Variants in INTS2 observed in about 807,000 individuals in gnomAD.
INTS2 encodes KIAA1287.
A neutral mutation model predicts 139.6 loss-of-function variants in INTS2; 57 were observed. The ratio of observed to expected loss-of-function variants is 0.41; its 90% CI spans 0.33 to 0.51. INTS2 has a LOEUF of 0.51. Among genes scored for constraint, INTS2 ranks in the 20% least tolerant of loss-of-function variants. INTS2 has a pLI of 0.28. For missense variants in INTS2, 1,196 were observed against 1,436.7 expected (o/e 0.83, Z 2.71); for synonymous variants, 473 against 493.4 (o/e 0.96, Z 0.55).
rs2079105349 is a variant in INTS2, at chr17:61,873,554, T to C, written c.2583-1094A>G. Among the ~76,000 whole-genome samples the C allele has an allele frequency of 6.6e-6, 1 of 152,142 alleles. No individual in the cohort carries two copies. The highest frequency in any genetic ancestry group is 1.5e-5 in the Non-Finnish European group (1 of 68,018). Reference sequence around the variant, plus strand: ...TCAGTGGATTTTTAACAATGATAAATCATTTTTTCAAGAAACAGCTCTTTT... The same window carrying C: ...TCAGTGGATTTTTAACAATGATAAACCATTTTTTCAAGAAACAGCTCTTTT... On this transcript the variant is annotated intron_variant, in intron 19 of 24. Transcript: ENST00000251334. The surrounding 1 kb of genome is among the most constrained non-coding windows in gnomAD (Gnocchi z 4.0).
In INTS2 at chr17:61,870,080, A is replaced by G. The variant is rs2079077180; in HGVS notation, c.2779-92T>C. 8.2e-7 allele frequency: 1 copy of G among 1,221,764 alleles called. No individual in the cohort carries two copies. Among genetic ancestry groups the G allele is most frequent in the African/African-American group, 1.5e-5 (1 of 65,664 alleles). 75.7% of individuals were successfully genotyped at this position (1,221,764 alleles called of 1,614,324 possible). A position where few individuals can be genotyped will look rare whatever the true frequency, so the allele number is the denominator to read the frequency against. On this transcript the variant is annotated intron_variant, in intron 20 of 24. Transcript: ENST00000251334. The surrounding 1 kb of genome is among the most constrained non-coding windows in gnomAD (Gnocchi z 4.4). The stretch of plus-strand genomic sequence containing the variant: ...ATTTTCACATGAACAGATATGATAA[A>G]ATAACTAATTTCTTAAACACACATA...
rs1468842531 is a variant in INTS2 at position 61,872,786 on chromosome 17, T to C, written c.2583-326A>G. On this transcript the variant is annotated intron_variant, in intron 19 of 24. Coordinates refer to ENST00000251334, the MANE Select transcript of INTS2 (RefSeq NM_001351695.2). This position sits in a 1 kb window ranked among gnomAD's most constrained non-coding sequence, Gnocchi z 4.8. ...GTAATACACGTACAAAAAGCTGATA[T>C]CCTTTATAGATAAAGAGCTCTTTAA... 5.3e-5 allele frequency among the ~76,000 whole-genome samples: 8 copies of C among 152,236 alleles called. No individual in the cohort carries two copies. The South Asian group carries it at 6.2e-4, about 12-fold the overall frequency.
intron 19 of INTS2, among the ~76,000 whole-genome samples, chr17:61,874,536 C>T (rs191915330): frequency 4.8e-4 from 73 of 152,170 alleles, no homozygotes; most frequent in African/African-American, 1.7e-3. Flanking sequence ...TTGTGCATGC[C>T]AAAAAGATCA....
chr17:61,890,474 G>A (rs1485921965), intron 14 of INTS2, among the ~76,000 whole-genome samples: 1 of 151,914 alleles, frequency 6.6e-6, no homozygotes, highest in African/African-American at 2.4e-5. Flanking sequence ...GCCAGGCGTG[G>A]TGGCAGGTGC....
rs201912492 is a variant in INTS2 at position 61,909,826 on chromosome 17, T to TAC, written c.954+1693_954+1694insGT. On this transcript the variant is annotated intron_variant, in intron 7 of 24. Coordinates refer to ENST00000251334, the MANE Select transcript of INTS2 (RefSeq NM_001351695.2). The surrounding 1 kb of genome is among the most constrained non-coding windows in gnomAD (Gnocchi z 4.9). ...ACGTGTGTGTGTACATGTGTGTATG[T>TAC]GTGTGTGTGTGTGTGTGTGTGTGTG... is the stretch of plus-strand genomic sequence containing the variant. 0.34 allele frequency among the ~76,000 whole-genome samples: 4,410 copies of TAC among 13,018 alleles called. 578 individuals are homozygous for TAC. Among genetic ancestry groups the TAC allele is most frequent in the East Asian group, 0.64 (2,300 of 3,616 alleles). The allele number at this position is 13,018 out of a possible 152,430, so 8.5% of individuals were successfully genotyped here. A position where few individuals can be genotyped will look rare whatever the true frequency, so the allele number is the denominator to read the frequency against.
At position 61,909,099 on chromosome 17, in the gene INTS2, C is replaced by T. The variant is rs977202084; in HGVS notation, c.955-1465G>A. 1.3e-5 allele frequency among the ~76,000 whole-genome samples: 2 copies of T among 151,702 alleles called. No homozygotes were observed. Among genetic ancestry groups the T allele is most frequent in the Admixed American group, 1.3e-4 (2 of 15,176 alleles). ...CGTATAAAATAAAATGTGGTATATA[C>T]ACACAATGGAATATTATTTTTCTTT... On this transcript the variant is annotated intron_variant, in intron 7 of 24. Coordinates refer to ENST00000251334, the MANE Select transcript of INTS2 (RefSeq NM_001351695.2). The surrounding 1 kb of genome is among the most constrained non-coding windows in gnomAD (Gnocchi z 4.9).
intron 3 of INTS2, 68 bp downstream of exon 3, chr17:61,924,893 T>C: frequency 6.7e-7 from 1 of 1,487,266 alleles, no homozygotes; most frequent in Middle Eastern, 1.7e-4. Context: ...TGTCTCTTTT[T>C]CTGTCTACCT....
intron 17 of INTS2, among the ~76,000 whole-genome samples, chr17:61,879,197 G>C (rs2079156167): frequency 1.3e-5 from 2 of 150,286 alleles, no homozygotes; most frequent in Admixed American, 1.3e-4. Flanking sequence ...TGAGATAACA[G>C]GCGTGAGTCA....
chr17:61,905,989 G>A (rs964009215), intron 8 of INTS2, among the ~76,000 whole-genome samples: 52 of 152,292 alleles, frequency 3.4e-4, no homozygotes, highest in Non-Finnish European at 5.4e-4. Flanking sequence ...GAGCCACCGC[G>A]CCTGGCCTAT....
intron 17 of INTS2, 96 bp downstream of exon 17, chr17:61,880,911 C>T: frequency 1.0e-6 from 1 of 977,738 alleles, no homozygotes; most frequent in South Asian, 1.6e-5. Flanking sequence ...ATTGTTATAT[C>T]CATGGGAAAA....
chr17:61,881,255 T>G (rs2079175829), intron 16 of INTS2, 84 bp from the exon 17 acceptor site: 2 of 1,076,230 alleles, frequency 1.9e-6, no homozygotes, highest in Non-Finnish European at 2.7e-6. Context: ...TATCAAGCCA[T>G]CAGCCCACAA....
chr17:61,889,895 C>T lies in INTS2; in HGVS notation c.1876-1G>A. 2 of 1,589,042 alleles carry T rather than the reference C, an allele frequency of 1.3e-6. No individual in the cohort carries two copies. The highest frequency in any genetic ancestry group is 1.3e-5 in the African/African-American group (1 of 74,588). ...GCTGATTAAGGCGGATGTTGTCACC[C>T]TGGAGGTAATATTACAAATACTCTG... On this transcript the variant is annotated splice_acceptor_variant, in intron 14 of 24. Transcript: ENST00000251334. LOFTEE classifies it high-confidence loss of function.
Position 61,874,982 on chromosome 17 carries a change from T to C in INTS2, c.2513A>G (p.Gln838Arg). The C allele has an allele frequency of 6.3e-7, 1 of 1,598,056 alleles. No homozygotes were observed. The highest frequency in any genetic ancestry group is 8.5e-7 in the Non-Finnish European group (1 of 1,171,206). ...LQPSIKFVRQ[Q>R]KYTQNDLMID... ...CATCAGGTCATTCTGAGTATACTTT[T>C]GTTGTCGTACAAACTTTATTGAAGG... Residue 838 changes from glutamine (Q) to arginine (R), a missense_variant, in exon 19 of 25, where the codon CAA (glutamine) becomes CGA (arginine). Gln to Arg is a conservative substitution (Grantham distance 43). Around this residue, in one of 3 missense-constraint regions of INTS2, gnomAD observed 1,129 missense variants for 1,341.9 expected, o/e 0.84. Transcript: ENST00000251334.
In INTS2 at chr17:61,869,791, G is replaced by C. The variant is rs375629750; in HGVS notation, c.2976C>G (p.Leu992=). 9 of 1,613,902 alleles carry C rather than the reference G, an allele frequency of 5.6e-6. No individual in the cohort carries two copies. In the African/African-American group the frequency reaches 1.2e-4, roughly 22 times the overall value. Reference sequence around the variant, plus strand: ...GATCTGCAATGTACATTTGGTGCAAGAGACAACAGATAAGGCACTGAACTT... The same window carrying C: ...GATCTGCAATGTACATTTGGTGCAACAGACAACAGATAAGGCACTGAACTT... ...LREVQCLICC[L]LHQMYIADPN... The change falls in exon 21 of 25, where the codon CTC becomes CTG. Residue 992 remains leucine, a synonymous_variant. Coordinates refer to ENST00000251334, the MANE Select transcript of INTS2 (RefSeq NM_001351695.2). The surrounding 1 kb of genome is among the most constrained non-coding windows in gnomAD (Gnocchi z 5.4).
At chr17:61,895,651 C>T (rs973519678) in intron 11 of INTS2, among the ~76,000 whole-genome samples, 4 of 152,112 alleles carry the variant, frequency 2.6e-5, no homozygotes, top group Admixed American at 6.5e-5. Context: ...GCTAGGATAG[C>T]TGCCCCTCTG....
At chr17:61,924,209 C>T (rs528047938) in intron 3 of INTS2, among the ~76,000 whole-genome samples, 3 of 152,270 alleles carry the variant, frequency 2.0e-5, no homozygotes, top group African/African-American at 7.2e-5. Context: ...CATCCAGTGT[C>T]TAAATGAATC....
intron 13 of INTS2, among the ~76,000 whole-genome samples, chr17:61,891,920 C>A (rs550364621): frequency 1.6e-3 from 238 of 152,090 alleles, no homozygotes; most frequent in African/African-American, 5.5e-3. Flanking sequence ...GCTTGCCTTT[C>A]GGTTTAATCT....
In INTS2 at chr17:61,878,749, C is replaced by T. The variant is rs188106946; in HGVS notation, c.2255-661G>A. 5.9e-5 allele frequency among the ~76,000 whole-genome samples: 9 copies of T among 151,958 alleles called. No individual in the cohort carries two copies. The East Asian group carries it at 7.7e-4, about 13-fold the overall frequency. Reference sequence around the variant, plus strand: ...ATGAGTCCAGAAGTTCAAGACCAGTCTGGGCAACATGGCAAGACCACATCT... The same window carrying T: ...ATGAGTCCAGAAGTTCAAGACCAGTTTGGGCAACATGGCAAGACCACATCT... On this transcript the variant is annotated intron_variant, in intron 17 of 24. Transcript: ENST00000251334.
Position 61,868,014 on chromosome 17 carries a change from T to G in INTS2, c.3245-5A>C. The G allele has an allele frequency of 6.4e-7, 1 of 1,556,300 alleles. No homozygotes were observed. Among genetic ancestry groups the G allele is most frequent in the Non-Finnish European group, 8.6e-7 (1 of 1,157,466 alleles). On this transcript the variant is annotated splice_polypyrimidine_tract_variant and splice_region_variant and intron_variant, in intron 23 of 24. Transcript: ENST00000251334. This position sits in a 1 kb window ranked among gnomAD's most constrained non-coding sequence, Gnocchi z 4.7. Reference sequence around the variant, plus strand: ...ACCGCTTAGCCTGTGTTAAAACTGTTGGAAAAAAATGAAACAATATTTTAG... The same window carrying G: ...ACCGCTTAGCCTGTGTTAAAACTGTGGGAAAAAAATGAAACAATATTTTAG...
Sources: allele counts gnomAD v4.1 joint callset (sites outside exome capture counted in the v4.1 genomes callset), GRCh38; gene constraint gnomAD v4.1.1; regional missense constraint gnomAD v4.1.1; non-coding constraint Gnocchi (gnomAD v3.1); transcripts MANE v1.5; gene names NCBI Gene and HGNC (gene_info 2026-07-23, HGNC 2026-07-21).